Variants in NR1H3 observed in about 807,000 individuals in gnomAD.
NR1H3 encodes oxysterols receptor LXR-alpha.
A neutral mutation model predicts 48.1 loss-of-function variants in NR1H3; 19 were observed. The observed-to-expected ratio is 0.40, with a 90% CI of 0.28 to 0.58. The LOEUF is 0.58. NR1H3 is among the 20% of genes least tolerant of loss of function. The pLI, the probability that NR1H3 is intolerant of heterozygous loss-of-function variation, is 0.50. For missense variants in NR1H3, 486 were observed against 595.9 expected (o/e 0.82, Z 1.92); for synonymous variants, 232 against 227.3 (o/e 1.02, Z -0.19).
upstream of NR1H3, chr11:47,248,912 C>T: frequency 1.9e-6 from 3 of 1,541,322 alleles, no homozygotes; most frequent in Non-Finnish European, 2.6e-6. Flanking sequence ...TACTTAGGGA[C>T]CTGCTGGGGT....
intron 7 of NR1H3, among the ~76,000 whole-genome samples, chr11:47,267,171 A>G (rs1476755807): frequency 6.6e-6 from 1 of 151,916 alleles, no homozygotes; most frequent in East Asian, 2.0e-4. Context: ...GCTACTTGTG[A>G]TGGTATGCAC....
intron 7 of NR1H3, among the ~76,000 whole-genome samples, chr11:47,265,461 CTG>C (rs1160441287): frequency 6.6e-6 from 1 of 152,180 alleles, no homozygotes; most frequent in Non-Finnish European, 1.5e-5. Flanking sequence ...CTGGGGAACT[CTG>C]TAGGGTGCAG....
upstream of NR1H3, chr11:47,248,431 T>C (rs1034831788): frequency 4.5e-6 from 7 of 1,539,554 alleles, no homozygotes; most frequent in South Asian, 2.4e-5. Context: ...CAAAGGCTTC[T>C]TTAGGGATGA....
Position 47,261,230 on chromosome 11 carries a change from C to G in NR1H3, c.500-11C>G. On this transcript the variant is annotated splice_polypyrimidine_tract_variant and intron_variant, in intron 4 of 9. Transcript: ENST00000441012. ...ATCTGCTCCCTTCCTCATATTTGGC[C>G]CTGTCCTTAGGTGTCCTGTCAGAAG... 3 of 1,611,430 alleles carry G rather than the reference C, an allele frequency of 1.9e-6. No individual in the cohort carries two copies. The highest frequency in any genetic ancestry group is 2.5e-6 in the Non-Finnish European group (3 of 1,178,860).
chr11:47,248,562 G>T, upstream of NR1H3: 1 of 1,551,674 alleles, frequency 6.4e-7, no homozygotes, highest in Non-Finnish European at 8.7e-7. Context: ...CAACTACCCA[G>T]GCCAGTCGTC....
At chr11:47,256,336 C>T (rs116127678), upstream of NR1H3, among the ~76,000 whole-genome samples, 96 of 152,286 alleles carry the variant, frequency 6.3e-4, no homozygotes, top group African/African-American at 2.2e-3. Flanking sequence ...CCACCGTGCC[C>T]GTTCTATTTA....
At chr11:47,263,945 A>T (rs1956197827) in intron 7 of NR1H3, among the ~76,000 whole-genome samples, 1 of 152,108 alleles carries the variant, frequency 6.6e-6, no homozygotes, top group Non-Finnish European at 1.5e-5. Context: ...ACGAACCAGA[A>T]CCATGGCATG....
chr11:47,265,335 A>T (rs1956352296), intron 7 of NR1H3, among the ~76,000 whole-genome samples: 1 of 152,106 alleles, frequency 6.6e-6, no homozygotes, highest in African/African-American at 2.4e-5. Flanking sequence ...TGCCCATTAA[A>T]TGGACCAACA....
chr11:47,260,064 T>C lies in NR1H3; in HGVS notation c.232+85T>C, dbSNP rs1033693545. The C allele has an allele frequency of 8.3e-6, 10 of 1,197,666 alleles. No individual in the cohort carries two copies. The African/African-American group carries it at 1.6e-4, about 19-fold the overall frequency. 74.2% of individuals were successfully genotyped at this position (1,197,666 alleles called of 1,614,324 possible). On this transcript the variant is annotated intron_variant, in intron 3 of 9. Transcript: ENST00000441012. ...AGAGGTTCCTTGGGGGTTTTTACTT[T>C]ATATATAATCTCATGGTTAAGTTCA...
chr11:47,257,591 T>C, upstream of NR1H3: 2 of 932,814 alleles, frequency 2.1e-6, no homozygotes. Flanking sequence ...CCGCTGGGGC[T>C]CAGTGTCGCA....
At chr11:47,257,942 C>T (rs757627216), upstream of NR1H3, 12 of 985,270 alleles carry the variant, frequency 1.2e-5, no homozygotes, top group African/African-American at 7.0e-5. Flanking sequence ...CCTGACCCCT[C>T]GGCAGTCCCT....
intron 7 of NR1H3, among the ~76,000 whole-genome samples, chr11:47,266,742 A>G (rs1591168183): frequency 6.6e-6 from 1 of 151,536 alleles, no homozygotes; most frequent in East Asian, 1.9e-4. Context: ...CCCAGATTCA[A>G]GCAATTCTCC....
chr11:47,255,598 TC>T (rs1436856215), upstream of NR1H3, among the ~76,000 whole-genome samples: 4 of 83,572 alleles, frequency 4.8e-5, no homozygotes, highest in African/African-American at 1.6e-4. Context: ...TCTTTCTTTC[TC>T]TCTCTCTCTC....
In NR1H3 at chr11:47,268,597, G is replaced by T. The variant is rs769135162; in HGVS notation, c.1245G>T (p.Arg415=). ...TGCTAATGAAACTGGTGAGCCTCCG[G>T]ACCCTGAGCAGCGTCCACTCAGAGC... The part of the protein sequence containing the change: ...PRMLMKLVSL[R]TLSSVHSEQV... Residue 415 remains arginine, a synonymous_variant, in exon 10 of 10, where the codon CGG becomes CGT. Coordinates refer to ENST00000441012, the MANE Select transcript of NR1H3 (RefSeq NM_005693.4). 6.2e-7 allele frequency: 1 copy of T among 1,614,070 alleles called. No homozygotes were observed. Among genetic ancestry groups the T allele is most frequent in the Non-Finnish European group, 8.5e-7 (1 of 1,180,038 alleles).
rs548495661 is a variant in NR1H3, at chr11:47,266,845, C to T, written c.989-1068C>T. Among the ~76,000 whole-genome samples the T allele has an allele frequency of 6.2e-3, 931 of 149,062 alleles. 12 individuals are homozygous for T. The highest frequency in any genetic ancestry group is 0.022 in the African/African-American group (878 of 40,492). On this transcript the variant is annotated intron_variant, in intron 7 of 9. Transcript: ENST00000441012. The stretch of plus-strand genomic sequence containing the variant: ...TCAGTGAGACAGGGTTTTGCCATGT[C>T]GGCCAGGCTGGTCTCAAACTCCTGA...
At chr11:47,250,057 G>A (rs899580389) in intron 1 of NR1H3, among the ~76,000 whole-genome samples, 3 of 152,204 alleles carry the variant, frequency 2.0e-5, no homozygotes, top group East Asian at 1.9e-4. Flanking sequence ...CTGAGATCAC[G>A]CCACTGCACT....
At position 47,259,814 on chromosome 11, in the gene NR1H3, C is replaced by A. The variant is rs139438525; in HGVS notation, c.67C>A (p.Pro23Thr). ...PPDSAVELWK[P>T]GAQDASSQAQ... The stretch of plus-strand genomic sequence containing the variant: ...AGACTCTGCGGTGGAGCTGTGGAAG[C>A]CAGGCGCACAGGATGCAAGCAGCCA... The change falls in exon 3 of 10, where the codon CCA (proline) becomes ACA (threonine). Residue 23 changes from proline to threonine, a missense_variant. Transcript: ENST00000441012. 11 of 1,612,058 alleles carry A rather than the reference C, an allele frequency of 6.8e-6. No individual in the cohort carries two copies. In the African/African-American group the frequency reaches 1.3e-4, roughly 20 times the overall value.
At chr11:47,249,291 A>T (rs931954090) in intron 1 of NR1H3, among the ~76,000 whole-genome samples, 4 of 152,132 alleles carry the variant, frequency 2.6e-5, no homozygotes, top group African/African-American at 9.7e-5. Flanking sequence ...CTTGGGGTGC[A>T]GGACACAGTA....
Position 47,261,575 on chromosome 11 carries a change from G to C in NR1H3, c.737G>C (p.Ser246Thr), listed in dbSNP as rs1250643620. The C allele has an allele frequency of 1.2e-6, 2 of 1,614,082 alleles. No individual in the cohort carries two copies. Among genetic ancestry groups the C allele is most frequent in the African/African-American group, 2.7e-5 (2 of 74,918 alleles). Residue 246 changes from serine to threonine, a missense_variant, in exon 6 of 10, where the codon AGC (serine) becomes ACC (threonine). Ser to Thr is a moderately conservative substitution (Grantham distance 58). Transcript: ENST00000441012. ...TGGCCCATGGCACCAGATCCCCATA[G>C]CCGGGAGGCCCGTCAGCAGCGCTTT... ...TPWPMAPDPH[S>T]REARQQRFAH... is the part of the protein sequence containing the mutation.
Sources: gnomAD v4.1 joint callset for allele counts (sites outside exome capture counted in the v4.1 genomes callset) on GRCh38, gnomAD v4.1.1 for gene constraint, MANE v1.5 for transcripts, NCBI Gene and HGNC (gene_info 2026-07-23, HGNC 2026-07-21) for gene names.